POLR3E: variants seen among roughly 807,000 people sequenced by gnomAD.
POLR3E encodes the protein DNA-directed RNA polymerase III subunit RPC5.
A neutral mutation model predicts 96.6 loss-of-function variants in POLR3E; 41 were observed. The observed-to-expected ratio is 0.42, with a 90% CI of 0.33 to 0.55. The LOEUF is 0.55. POLR3E is among the 20% of genes least tolerant of loss of function. POLR3E has a pLI of 0.06. For synonymous variants in POLR3E, 396 were observed against 383.6 expected (o/e 1.03, Z -0.38); for missense variants, 849 against 952.1 (o/e 0.89, Z 1.43).
Position 22,322,797 on chromosome 16 carries a change from G to A in POLR3E, c.987-53G>A, listed in dbSNP as rs376986806. 1,925 of 1,300,974 alleles carry A rather than the reference G, an allele frequency of 1.5e-3. 50 individuals are homozygous for A. The South Asian group carries it at 0.02, about 14-fold the overall frequency. The allele number at this position is 1,300,974 out of a possible 1,614,324, so 80.6% of individuals were successfully genotyped here. A position where few individuals can be genotyped will look rare whatever the true frequency, so the allele number is the denominator to read the frequency against. ...TGGGGCTTGGCCGGGAGGGGTAGCG[G>A]TAGAGGGGGCTCAGGGCAGGGACTG... On this transcript the variant is annotated intron_variant, in intron 13 of 20. Transcript: ENST00000299853. This position sits in a 1 kb window ranked among gnomAD's most constrained non-coding sequence, Gnocchi z 5.2.
chr16:22,299,396 A>G (rs2047973577), intron 1 of POLR3E, among the ~76,000 whole-genome samples: 2 of 151,212 alleles, frequency 1.3e-5, no homozygotes, highest in South Asian at 4.2e-4. Flanking sequence ...TAGGCAGGGA[A>G]ATAATATGAT....
chr16:22,327,327 C>T (rs1313234735), intron 18 of POLR3E: 1 of 152,344 alleles, frequency 6.6e-6, no homozygotes, highest in Non-Finnish European at 1.5e-5. Flanking sequence ...GTGGGAGGTA[C>T]TGGCAGAGTT....
At chr16:22,301,290 T>G (rs2048014544) in intron 1 of POLR3E, among the ~76,000 whole-genome samples, 1 of 152,112 alleles carries the variant, frequency 6.6e-6, no homozygotes, top group African/African-American at 2.4e-5. Flanking sequence ...TGATAAAGAC[T>G]TTGGCTTTTG....
At chr16:22,333,552 C>T in intron 20 of POLR3E, 92 bp from the exon 21 acceptor site, 4 of 884,916 alleles carry the variant, frequency 4.5e-6, no homozygotes, top group Non-Finnish European at 5.7e-6. Flanking sequence ...ATTCTATTCA[C>T]TAATCATAAA....
Position 22,322,978 on chromosome 16 carries a change from G to C in POLR3E, c.1068+47G>C, listed in dbSNP as rs770306079. ...GACTCACGGTGGGGGCGTGGGAAGAGGGGGGCAGCGGTGCAGGGCTTCTGA... is the reference window on the plus strand; with the variant it reads ...GACTCACGGTGGGGGCGTGGGAAGACGGGGGCAGCGGTGCAGGGCTTCTGA... On this transcript the variant is annotated intron_variant, in intron 14 of 20. Coordinates refer to ENST00000299853, the MANE Select transcript of POLR3E (RefSeq NM_018119.4). The surrounding 1 kb of genome is among the most constrained non-coding windows in gnomAD (Gnocchi z 5.2). The C allele has an allele frequency of 3.0e-6, 4 of 1,329,340 alleles. No individual in the cohort carries two copies. The highest frequency in any genetic ancestry group is 1.2e-5 in the South Asian group (1 of 82,310). The allele number at this position is 1,329,340 out of a possible 1,614,324, so 82.3% of individuals were successfully genotyped here. A position where few individuals can be genotyped will look rare whatever the true frequency, so the allele number is the denominator to read the frequency against.
Position 22,317,174 on chromosome 16 carries a change from T to C in POLR3E, c.833T>C (p.Leu278Pro). The stretch of plus-strand genomic sequence containing the variant: ...ATGGCCCAGCTGCGCACGCTGCCCC[T>C]GGCCGATCAGATCAAGATCCTGATG... Reference protein sequence around the residue: ...LSMAQLRTLPLADQIKILMKN... With the variant: ...LSMAQLRTLPPADQIKILMKN... The change falls in exon 12 of 21, where the codon CTG becomes CCG. Residue 278 changes from leucine (L) to proline (P), a missense_variant. Transcript: ENST00000299853. 2 of 1,613,688 alleles carry C rather than the reference T, an allele frequency of 1.2e-6. No individual in the cohort carries two copies. Among genetic ancestry groups the C allele is most frequent in the South Asian group, 2.2e-5 (2 of 91,078 alleles).
At chr16:22,324,307 G>T (rs1382135515) in intron 14 of POLR3E, 47 bp from the exon 15 acceptor site, 6 of 1,528,580 alleles carry the variant, frequency 3.9e-6, no homozygotes, top group Non-Finnish European at 4.5e-6. Flanking sequence ...ACAGTCCTGG[G>T]AGCAGTCCGT....
chr16:22,321,428 C>CA (rs2048469530), intron 13 of POLR3E, among the ~76,000 whole-genome samples: 1 of 152,204 alleles, frequency 6.6e-6, no homozygotes, highest in Admixed American at 6.5e-5. Context: ...TGCACTGCTC[C>CA]ACAGGTGCCC....
intron 20 of POLR3E, among the ~76,000 whole-genome samples, chr16:22,333,199 T>A (rs2048779482): frequency 6.7e-6 from 1 of 149,864 alleles, no homozygotes; most frequent in African/African-American, 2.4e-5. Context: ...ACACCTGTAA[T>A]CCCAGCGCTT....
In POLR3E at chr16:22,317,665, GT is replaced by G. The variant is rs757872526; in HGVS notation, c.865+470del. ...TGTTGTTGTTGTTGTTGTTGTTGTT[GT>G]TTTTTTTTTTAAGGTTTTTTTAAAG... On this transcript the variant is annotated intron_variant, in intron 12 of 20. Coordinates refer to ENST00000299853, the MANE Select transcript of POLR3E (RefSeq NM_018119.4). Among the ~76,000 whole-genome samples the G allele has an allele frequency of 5.6e-3, 795 of 140,816 alleles. 7 individuals carry two copies. Among genetic ancestry groups the G allele is most frequent in the African/African-American group, 0.014 (527 of 37,248 alleles). The allele number at this position is 140,816 out of a possible 152,430, so 92.4% of individuals were successfully genotyped here.
At chr16:22,302,090 C>T (rs937305013) in intron 1 of POLR3E, among the ~76,000 whole-genome samples, 2 of 152,068 alleles carry the variant, frequency 1.3e-5, no homozygotes, top group Non-Finnish European at 2.9e-5. Flanking sequence ...CCGTGGAGAC[C>T]TACAGCCTTC....
intron 13 of POLR3E, among the ~76,000 whole-genome samples, chr16:22,319,309 T>G (rs1173319485): frequency 6.6e-6 from 1 of 152,228 alleles, no homozygotes; most frequent in Non-Finnish European, 1.5e-5. Flanking sequence ...TTTGGTCCTT[T>G]TAAATTTAAT....
rs1251066323 is a variant in POLR3E at position 22,313,091 on chromosome 16, A to G, written c.365-529A>G. Among the ~76,000 whole-genome samples the G allele has an allele frequency of 2.0e-5, 3 of 151,950 alleles. No individual in the cohort carries two copies. The highest frequency in any genetic ancestry group is 7.3e-5 in the African/African-American group (3 of 41,352). ...GAGGGAAAGTCATGATCTTTATCAGAGGCCATGTGGACACTCCACCCAGTT... is the reference window on the plus strand; with the variant it reads ...GAGGGAAAGTCATGATCTTTATCAGGGGCCATGTGGACACTCCACCCAGTT... On this transcript the variant is annotated intron_variant, in intron 6 of 20. Coordinates refer to ENST00000299853, the MANE Select transcript of POLR3E (RefSeq NM_018119.4). This position sits in a 1 kb window ranked among gnomAD's most constrained non-coding sequence, Gnocchi z 4.1.
chr16:22,301,449 T>C (rs1221233162), intron 1 of POLR3E, among the ~76,000 whole-genome samples: 1 of 152,064 alleles, frequency 6.6e-6, no homozygotes, highest in Admixed American at 6.6e-5. Flanking sequence ...GAGCGGATGG[T>C]GCATGCCAAT....
chr16:22,326,506 G>GAA, intron 18 of POLR3E: 1 of 590,414 alleles, frequency 1.7e-6, no homozygotes. Flanking sequence ...TACGGTGTCT[G>GAA]AAGGCCCGGC....
chr16:22,306,917 G>T (rs2048144967), intron 3 of POLR3E, among the ~76,000 whole-genome samples: 1 of 152,232 alleles, frequency 6.6e-6, no homozygotes, highest in Admixed American at 6.5e-5. Context: ...CAGCAGCAAT[G>T]TTGTAAGCCT....
intron 3 of POLR3E, among the ~76,000 whole-genome samples, chr16:22,307,490 A>T (rs1474357435): frequency 6.6e-6 from 1 of 152,152 alleles, no homozygotes. Flanking sequence ...TGACTCCTTC[A>T]CCTGAGAGAG....
rs200438689 is a variant in POLR3E, at chr16:22,329,091, GA to G, written c.1944+518del. On this transcript the variant is annotated intron_variant, in intron 19 of 20. Coordinates refer to ENST00000299853, the MANE Select transcript of POLR3E (RefSeq NM_018119.4). Reference sequence around the variant, plus strand: ...ACAGAGCAAGACTGTGTCTCAGAAAGAAAAAAAAAAAAAACATAGATTCAGT... The same window carrying G: ...ACAGAGCAAGACTGTGTCTCAGAAAGAAAAAAAAAAAAACATAGATTCAGT... 4.3e-3 allele frequency: 590 copies of G among 136,466 alleles called. 2 individuals are homozygous for G. Among genetic ancestry groups the G allele is most frequent in the South Asian group, 7.3e-3 (33 of 4,544 alleles). The allele number at this position is 136,466 out of a possible 1,614,324, so 8.5% of individuals were successfully genotyped here. A position where few individuals can be genotyped will look rare whatever the true frequency, so the allele number is the denominator to read the frequency against.
At chr16:22,316,565 C>T in intron 9 of POLR3E, 36 bp from the exon 10 acceptor site, 2 of 1,554,350 alleles carry the variant, frequency 1.3e-6, no homozygotes, top group Non-Finnish European at 1.8e-6. Context: ...GGGCCATCAG[C>T]TGAGGCTCCT....
Sources: gnomAD v4.1 joint callset for allele counts (sites outside exome capture counted in the v4.1 genomes callset) on GRCh38, gnomAD v4.1.1 for gene constraint, Gnocchi (gnomAD v3.1) non-coding constraint, MANE v1.5 for transcripts, NCBI Gene and HGNC (gene_info 2026-07-23, HGNC 2026-07-21) for gene names.